MAP1S: variants seen among roughly 807,000 people sequenced by gnomAD.
MAP1S encodes microtubule-associated protein 1S.
Under a neutral mutation model 60.9 loss-of-function variants are expected in MAP1S, and 27 were observed. That is an observed-to-expected ratio of 0.44 (90% CI 0.33 to 0.61). The LOEUF is 0.61. Ranked by LOEUF, MAP1S falls within the 20% of genes least tolerant of loss-of-function variation. The pLI is 0.03. For missense variants in MAP1S, 1,608 were observed against 1,486.6 expected (o/e 1.08, Z -1.34); for synonymous variants, 826 against 694.2 (o/e 1.19, Z -2.98).
In MAP1S at chr19:17,725,273, G is replaced by A. The variant is rs2080407569; in HGVS notation, c.444+84G>A. On this transcript the variant is annotated intron_variant, in intron 4 of 6. Coordinates refer to ENST00000324096, the MANE Select transcript of MAP1S (RefSeq NM_018174.6). The surrounding 1 kb of genome is among the most constrained non-coding windows in gnomAD (Gnocchi z 4.2). The stretch of plus-strand genomic sequence containing the variant: ...TCAGGCTGTGTGGCACCAGCGACCT[G>A]CTGTTTTCCATGGCCTGGTCTCCCC... 6.7e-6 allele frequency: 10 copies of A among 1,491,308 alleles called. No individual in the cohort carries two copies. In the South Asian group the frequency reaches 9.2e-5, roughly 14 times the overall value. The allele number at this position is 1,491,308 out of a possible 1,614,324, so 92.4% of individuals were successfully genotyped here.
At position 17,725,795 on chromosome 19, in the gene MAP1S, C is replaced by T; in HGVS notation, c.445-34C>T. On this transcript the variant is annotated intron_variant, in intron 4 of 6. Coordinates refer to ENST00000324096, the MANE Select transcript of MAP1S (RefSeq NM_018174.6). The surrounding 1 kb of genome is among the most constrained non-coding windows in gnomAD (Gnocchi z 4.2). ...CCACCGGGCTAGGTGTTGCCTGGCT[C>T]TAGGTGGTCCCTTACCACTCCTCCT... is the stretch of plus-strand genomic sequence containing the variant. 1 of 1,584,880 alleles carries T rather than the reference C, an allele frequency of 6.3e-7. No homozygotes were observed. The highest frequency in any genetic ancestry group is 8.6e-7 in the Non-Finnish European group (1 of 1,165,926).
rs74180837 is a variant in MAP1S at position 17,727,329 on chromosome 19, G to A, written c.1945G>A (p.Glu649Lys). 2 of 1,590,740 alleles carry A rather than the reference G, an allele frequency of 1.3e-6. No individual in the cohort carries two copies. Among genetic ancestry groups the A allele is most frequent in the Non-Finnish European group, 8.5e-7 (1 of 1,172,746 alleles). ...CCCTGAGTCCCACCGGAGCCCCGCA[G>A]AGGGCAGCGAGCGGCTGTCGCTGAG... is the stretch of plus-strand genomic sequence containing the variant. ...PSPESHRSPA[E>K]GSERLSLSPL... The change falls in exon 5 of 7, where the codon GAG becomes AAG. Residue 649 changes from glutamate (E) to lysine (K), a missense_variant. Glu to Lys is a moderately conservative substitution (Grantham distance 56). Around this residue, in one of 4 missense-constraint regions of MAP1S, gnomAD observed 1,167 missense variants for 961.4 expected, o/e 1.21. Coordinates refer to ENST00000324096, the MANE Select transcript of MAP1S (RefSeq NM_018174.6). The surrounding 1 kb of genome is among the most constrained non-coding windows in gnomAD (Gnocchi z 4.1).
chr19:17,729,692 C>T (rs964033125), intron 5 of MAP1S, among the ~76,000 whole-genome samples: 89 of 152,048 alleles, frequency 5.9e-4, no homozygotes, highest in African/African-American at 1.7e-3. Flanking sequence ...GAGATGGAGT[C>T]TTGCTCTGTC....
intron 2 of MAP1S, chr19:17,721,546 C>G: frequency 5.0e-6 from 1 of 199,198 alleles, no homozygotes; most frequent in South Asian, 6.8e-5. Flanking sequence ...TGGTGGCAGG[C>G]GCCTCTAATC....
Position 17,727,357 on chromosome 19 carries a change from C to A in MAP1S, c.1973C>A (p.Pro658Gln), listed in dbSNP as rs1029630023. Residue 658 changes from proline to glutamine, a missense_variant, in exon 5 of 7, where the codon CCA (proline) becomes CAA (glutamine). By Grantham distance (76) the Pro-to-Gln change is moderately conservative (BLOSUM62 -1). Around this residue, in one of 4 missense-constraint regions of MAP1S, gnomAD observed 1,167 missense variants for 961.4 expected, o/e 1.21. Transcript: ENST00000324096. This position sits in a 1 kb window ranked among gnomAD's most constrained non-coding sequence, Gnocchi z 4.1. ...AEGSERLSLS[P>Q]LRGGEAGPDA... is the part of the protein sequence containing the mutation. The stretch of plus-strand genomic sequence containing the variant: ...GGCAGCGAGCGGCTGTCGCTGAGCC[C>A]ACTGCGGGGCGGGGAGGCCGGGCCA... 1.3e-6 allele frequency: 2 copies of A among 1,585,198 alleles called. No homozygotes were observed. The highest frequency in any genetic ancestry group is 1.7e-6 in the Non-Finnish European group (2 of 1,169,220).
rs1176116754 is a variant in MAP1S at position 17,727,554 on chromosome 19, C to T, written c.2170C>T (p.Pro724Ser). The T allele has an allele frequency of 1.9e-6, 3 of 1,608,320 alleles. No homozygotes were observed. The highest frequency in any genetic ancestry group is 1.1e-5 in the South Asian group (1 of 90,976). The change falls in exon 5 of 7, where the codon CCC becomes TCC. Residue 724 changes from proline to serine, a missense_variant. Pro to Ser is a moderately conservative substitution (Grantham distance 74, BLOSUM62 -1). Around this residue, in one of 4 missense-constraint regions of MAP1S, gnomAD observed 1,167 missense variants for 961.4 expected, o/e 1.21. Transcript: ENST00000324096. The surrounding 1 kb of genome is among the most constrained non-coding windows in gnomAD (Gnocchi z 4.1). ...EAGLSLPLRG[P>S]RARRSASPHD... is the part of the protein sequence containing the mutation. ...TGGGCTGAGCCTCCCGCTGCGTGGC[C>T]CCCGGGCGCGGCGCTCGGCTTCCCC...
At chr19:17,728,251 C>G (rs1414282570) in intron 5 of MAP1S, 79 bp downstream of exon 5, 4 of 1,430,376 alleles carry the variant, frequency 2.8e-6, no homozygotes, top group Non-Finnish European at 3.7e-6. Context: ...CCTGTTTTTA[C>G]ATTTTCAGTT....
intron 6 of MAP1S, among the ~76,000 whole-genome samples, chr19:17,734,047 G>A (rs965356233): frequency 6.6e-6 from 1 of 152,230 alleles, no homozygotes; most frequent in African/African-American, 2.4e-5. Context: ...TCCGTCTCCT[G>A]TGTGCTGAGA....
At position 17,726,735 on chromosome 19, in the gene MAP1S, T is replaced by C. The variant is rs1351301375; in HGVS notation, c.1351T>C (p.Leu451=). 6 of 1,586,042 alleles carry C rather than the reference T, an allele frequency of 3.8e-6. No homozygotes were observed. The highest frequency in any genetic ancestry group is 5.1e-6 in the Non-Finnish European group (6 of 1,169,514). ...GGACGGCCTGGTCCGCCTGCAGCAC[T>C]TGAGGTTCCTGCGAGAGCCCGTGGT... ...LLDGLVRLQH[L]RFLREPVVTP... Residue 451 remains leucine, a synonymous_variant, in exon 5 of 7, where the codon TTG becomes CTG. Coordinates refer to ENST00000324096, the MANE Select transcript of MAP1S (RefSeq NM_018174.6).
chr19:17,731,589 ACATTGTT>A (rs1051398679), intron 5 of MAP1S, among the ~76,000 whole-genome samples: 22 of 152,080 alleles, frequency 1.4e-4, no homozygotes, highest in Non-Finnish European at 1.5e-4. Context: ...TCTCCTTTTC[ACATTGTT>A]CATTGTTCAT....
rs1485057628 is a variant in MAP1S at position 17,726,101 on chromosome 19, C to T, written c.717C>T (p.Gly239=). ...CCTCCGGGGGCTTCCTCAGGCTGGG[C>T]CGGCCCTGCTGCTACATCTTCCCTG... ...PPTSGGFLRL[G]RPCCYIFPGG... Residue 239 remains glycine (G), a synonymous_variant, in exon 5 of 7, where the codon GGC becomes GGT. Transcript: ENST00000324096. 6.2e-7 allele frequency: 1 copy of T among 1,613,868 alleles called. No individual in the cohort carries two copies. Among genetic ancestry groups the T allele is most frequent in the Non-Finnish European group, 8.5e-7 (1 of 1,179,940 alleles).
intron 1 of MAP1S, chr19:17,720,057 C>T (rs2080356626): frequency 2.9e-6 from 3 of 1,040,478 alleles, no homozygotes; most frequent in Non-Finnish European, 3.6e-6. Flanking sequence ...GAGGCTGGGC[C>T]TGGAGCCCCG....
chr19:17,719,493 CGGCCCGAAGATGGCGGCGGT>C lies in MAP1S; in HGVS notation c.-6_14del. On this transcript the variant is annotated start_lost and 5_prime_UTR_variant, in exon 1 of 7. Coordinates refer to ENST00000324096, the MANE Select transcript of MAP1S (RefSeq NM_018174.6). ...GGGGCGGGCGCCGAGAACGCCGGGG[CGGCCCGAAGATGGCGGCGGT>C]GGCTGGATCTGGGGCTGCCGCGGCT... The C allele has an allele frequency of 8.1e-7, 1 of 1,241,632 alleles. No homozygotes were observed. Among genetic ancestry groups the C allele is most frequent in the Non-Finnish European group, 1.0e-6 (1 of 985,240 alleles). 76.9% of individuals were successfully genotyped at this position (1,241,632 alleles called of 1,614,324 possible).
Position 17,726,246 on chromosome 19 carries a change from G to A in MAP1S, c.862G>A (p.Val288Met), listed in dbSNP as rs765547635. The stretch of plus-strand genomic sequence containing the variant: ...GCGGCACCTGGACCGCGTGGATGCC[G>A]TGCTGGTGACCCACCCTGGCGCCGA... ...LVRHLDRVDA[V>M]LVTHPGADSL... Residue 288 changes from valine to methionine, a missense_variant, in exon 5 of 7, where the codon GTG becomes ATG. By Grantham distance (21) the Val-to-Met change is conservative. Around this residue, in one of 4 missense-constraint regions of MAP1S, gnomAD observed 320 missense variants for 393.1 expected, o/e 0.81. Coordinates refer to ENST00000324096, the MANE Select transcript of MAP1S (RefSeq NM_018174.6). 3.7e-6 allele frequency: 6 copies of A among 1,607,636 alleles called. No individual in the cohort carries two copies. In the East Asian group the frequency reaches 6.7e-5, roughly 18 times the overall value.
chr19:17,728,097 C>T lies in MAP1S; in HGVS notation c.2713C>T (p.Pro905Ser), dbSNP rs1426126795. 6.2e-6 allele frequency: 10 copies of T among 1,612,324 alleles called. No individual in the cohort carries two copies. The highest frequency in any genetic ancestry group is 8.5e-6 in the Non-Finnish European group (10 of 1,179,592). The stretch of plus-strand genomic sequence containing the variant: ...CCGACCACTCAGTGCCCGGAGTGAG[C>T]CCAGTGAGAAGGGAGGCCGGGCACC... ...ASRPLSARSE[P>S]SEKGGRAPLS... Residue 905 changes from proline (P) to serine (S), a missense_variant, in exon 5 of 7, where the codon CCC becomes TCC. By Grantham distance (74) the Pro-to-Ser change is moderately conservative (BLOSUM62 -1). Around this residue, in one of 4 missense-constraint regions of MAP1S, gnomAD observed 1,167 missense variants for 961.4 expected, o/e 1.21. Transcript: ENST00000324096.
rs774692328 is a variant in MAP1S at position 17,734,480 on chromosome 19, C to G, written c.*52C>G. On this transcript the variant is annotated 3_prime_UTR_variant, in exon 7 of 7. Transcript: ENST00000324096. ...AGCCCAGCCCGCCTGTCCCTAGATT[C>G]AGCCACATCAGAAATAAACTGTGAC... 4.4e-5 allele frequency: 69 copies of G among 1,565,050 alleles called. No homozygotes were observed. The East Asian group carries it at 1.4e-3, about 32-fold the overall frequency.
chr19:17,725,298 C>T lies in MAP1S; in HGVS notation c.444+109C>T, dbSNP rs1005048139. 5 of 1,375,756 alleles carry T rather than the reference C, an allele frequency of 3.6e-6. No homozygotes were observed. Among genetic ancestry groups the T allele is most frequent in the African/African-American group, 2.9e-5 (2 of 68,888 alleles). 85.2% of individuals were successfully genotyped at this position (1,375,756 alleles called of 1,614,324 possible). On this transcript the variant is annotated intron_variant, in intron 4 of 6. Transcript: ENST00000324096. This position sits in a 1 kb window ranked among gnomAD's most constrained non-coding sequence, Gnocchi z 4.2. The stretch of plus-strand genomic sequence containing the variant: ...GCTGTTTTCCATGGCCTGGTCTCCC[C>T]ATCCTCTGTAGGATGGCAGTGGTGA...
Position 17,720,221 on chromosome 19 carries a change from T to C in MAP1S, c.118+601T>C. On this transcript the variant is annotated intron_variant, in intron 1 of 6. Coordinates refer to ENST00000324096, the MANE Select transcript of MAP1S (RefSeq NM_018174.6). ...GGCTCAGTGGGACTGGCGGGCGTGATGCGCCCGTGGGTGGAGATGGGTGTT... is the reference window on the plus strand; with the variant it reads ...GGCTCAGTGGGACTGGCGGGCGTGACGCGCCCGTGGGTGGAGATGGGTGTT... 3.6e-6 allele frequency: 5 copies of C among 1,370,690 alleles called. No individual in the cohort carries two copies. The South Asian group carries it at 8.4e-5, about 23-fold the overall frequency. The allele number at this position is 1,370,690 out of a possible 1,614,324, so 84.9% of individuals were successfully genotyped here. A position where few individuals can be genotyped will look rare whatever the true frequency, so the allele number is the denominator to read the frequency against.
In MAP1S at chr19:17,725,799, GTGGTCCCTTAC is replaced by G. The variant is rs1432496978; in HGVS notation, c.445-29_445-19del. On this transcript the variant is annotated intron_variant, in intron 4 of 6. Coordinates refer to ENST00000324096, the MANE Select transcript of MAP1S (RefSeq NM_018174.6). The surrounding 1 kb of genome is among the most constrained non-coding windows in gnomAD (Gnocchi z 4.2). ...CGGGCTAGGTGTTGCCTGGCTCTAGGTGGTCCCTTACCACTCCTCCTCCATACAGATCCGGG... is the reference window on the plus strand; with the variant it reads ...CGGGCTAGGTGTTGCCTGGCTCTAGGCACTCCTCCTCCATACAGATCCGGG... The G allele has an allele frequency of 1.1e-5, 17 of 1,589,658 alleles. No homozygotes were observed. The highest frequency in any genetic ancestry group is 3.6e-5 in the Admixed American group (2 of 56,052).
Sources: gnomAD v4.1 joint callset for allele counts (sites outside exome capture counted in the v4.1 genomes callset) on GRCh38, gnomAD v4.1.1 for gene constraint, gnomAD v4.1.1 regional missense constraint, Gnocchi (gnomAD v3.1) non-coding constraint, MANE v1.5 for transcripts, NCBI Gene and HGNC (gene_info 2026-07-23, HGNC 2026-07-21) for gene names.